Variants in SAMTOR observed in about 807,000 individuals in gnomAD.
The protein encoded by SAMTOR is UPF0532 protein C7orf60.
the SAMTOR span, among the ~76,000 whole-genome samples, chr7:112,829,459 TTA>T: frequency 6.6e-6 from 1 of 152,150 alleles, no homozygotes; most frequent in African/African-American, 2.4e-5. Flanking sequence ...CAAACTGGTA[TTA>T]TCTCTATTTT....
At chr7:112,840,868 G>A in the SAMTOR span, among the ~76,000 whole-genome samples, 7 of 151,930 alleles carry the variant, frequency 4.6e-5, no homozygotes, top group African/African-American at 7.3e-5. Flanking sequence ...AAAGGCCTTC[G>A]ATAAAATTCA....
At chr7:112,842,896 T>C in the SAMTOR span, among the ~76,000 whole-genome samples, 3 of 151,996 alleles carry the variant, frequency 2.0e-5, no homozygotes, top group African/African-American at 2.4e-5. Context: ...GCAATGCACA[T>C]AGCAGGAGAA....
the SAMTOR span, among the ~76,000 whole-genome samples, chr7:112,930,035 G>C: frequency 9.2e-5 from 14 of 151,988 alleles, no homozygotes; most frequent in African/African-American, 3.1e-4. Flanking sequence ...TAGAAATTCA[G>C]AACAATTTAT....
At chr7:112,909,801 T>C in the SAMTOR span, among the ~76,000 whole-genome samples, 1 of 151,658 alleles carries the variant, frequency 6.6e-6, no homozygotes, top group Non-Finnish European at 1.5e-5. Context: ...TAAGCAAAAA[T>C]CTTATAATAT....
chr7:112,838,358 T>C, the SAMTOR span, among the ~76,000 whole-genome samples: 2 of 152,072 alleles, frequency 1.3e-5, no homozygotes, highest in African/African-American at 4.8e-5. Flanking sequence ...ATATTGATAG[T>C]CTTACTTTTT....
chr7:112,889,894 A>G, the SAMTOR span, among the ~76,000 whole-genome samples: 1 of 152,170 alleles, frequency 6.6e-6, no homozygotes, highest in African/African-American at 2.4e-5. Flanking sequence ...GAGGCGGCTA[A>G]CTTGATTTGG....
chr7:112,939,339 G>T, the SAMTOR span: 1 of 566,452 alleles, frequency 1.8e-6, no homozygotes. Context: ...ACAGGGGCTT[G>T]GAGGGGGTGG....
the SAMTOR span, among the ~76,000 whole-genome samples, chr7:112,864,348 A>G: frequency 1.9e-4 from 29 of 152,316 alleles, no homozygotes; most frequent in South Asian, 5.4e-3. Context: ...AAGTTTACCT[A>G]TGTAACAAAC....
chr7:112,939,467 G>A, the SAMTOR span: 1 of 1,449,990 alleles, frequency 6.9e-7, no homozygotes, highest in Middle Eastern at 2.5e-4. Context: ...GAGAGCAGCA[G>A]CGGCTGGGGG....
At chr7:112,920,352 A>G in the SAMTOR span, among the ~76,000 whole-genome samples, 320 of 151,988 alleles carry the variant, frequency 2.1e-3, 2 homozygotes, top group Middle Eastern at 0.017. Flanking sequence ...CAAAAACCAC[A>G]TGATTATCTC....
chr7:112,904,579 CAAA>C, the SAMTOR span, among the ~76,000 whole-genome samples: 16,605 of 151,832 alleles, frequency 0.11, 1,212 homozygotes, highest in Middle Eastern at 0.31. Context: ...TCAATACAAA[CAAA>C]AGAAGAAAAT....
At chr7:112,824,662 A>G in the SAMTOR span, among the ~76,000 whole-genome samples, 3 of 152,026 alleles carry the variant, frequency 2.0e-5, no homozygotes, top group Non-Finnish European at 4.4e-5. Flanking sequence ...CACCCAGCCA[A>G]GGTCTTTTTT....
chr7:112,850,000 A>C, the SAMTOR span, among the ~76,000 whole-genome samples: 1 of 152,156 alleles, frequency 6.6e-6, no homozygotes, highest in Non-Finnish European at 1.5e-5. Context: ...TGAGGTCAGG[A>C]GTTCGAGACC....
the SAMTOR span, among the ~76,000 whole-genome samples, chr7:112,878,421 C>T: frequency 6.6e-6 from 1 of 152,234 alleles, no homozygotes; most frequent in South Asian, 2.1e-4. Context: ...TTCTCTTCCT[C>T]CCCCAACTCT....
At chr7:112,925,008 C>A in the SAMTOR span, among the ~76,000 whole-genome samples, 2 of 152,118 alleles carry the variant, frequency 1.3e-5, no homozygotes, top group East Asian at 3.9e-4. Flanking sequence ...TGTGAGAATA[C>A]CACATACCGA....
chr7:112,854,996 A>C, the SAMTOR span, among the ~76,000 whole-genome samples: 1 of 152,160 alleles, frequency 6.6e-6, no homozygotes, highest in Non-Finnish European at 1.5e-5. Context: ...GAATATCATT[A>C]CCATATAACA....
At chr7:112,908,709 A>T in the SAMTOR span, among the ~76,000 whole-genome samples, 1 of 152,174 alleles carries the variant, frequency 6.6e-6, no homozygotes, top group Admixed American at 6.5e-5. Flanking sequence ...GAATTTGTTT[A>T]TTTTTGCAAA....
chr7:112,832,881 C>A, the SAMTOR span, among the ~76,000 whole-genome samples: 2 of 152,070 alleles, frequency 1.3e-5, no homozygotes, highest in East Asian at 3.9e-4. Context: ...TAAAAATATT[C>A]ATTTATTAGA....
the SAMTOR span, among the ~76,000 whole-genome samples, chr7:112,876,530 A>G: frequency 6.6e-6 from 1 of 152,094 alleles, no homozygotes; most frequent in Non-Finnish European, 1.5e-5. Flanking sequence ...TCCCTACCTC[A>G]ACCAGGTATT....
Sources: gnomAD v4.1 joint callset for allele counts (sites outside exome capture counted in the v4.1 genomes callset) on GRCh38, gnomAD v4.1.1 for gene constraint, MANE v1.5 for transcripts, NCBI Gene and HGNC (gene_info 2026-07-23, HGNC 2026-07-21) for gene names.